Variants in PREX1 observed in about 807,000 individuals in gnomAD.
The protein encoded by PREX1 is phosphatidylinositol-3,4,5-trisphosphate dependent Rac exchange factor 1.
A neutral mutation model predicts 198.3 loss-of-function variants in PREX1; 41 were observed. That is an observed-to-expected ratio of 0.21 (90% CI 0.16 to 0.27). The LOEUF (loss-of-function observed/expected upper bound fraction) is 0.27, where lower values mean the gene tolerates loss of function less well. Ranked by LOEUF, PREX1 falls within the 10% of genes least tolerant of loss-of-function variation. The pLI, the probability that PREX1 is intolerant of heterozygous loss-of-function variation, is 1.00. For missense variants in PREX1, 1,620 were observed against 2,200.7 expected (o/e 0.74, Z 5.28); for synonymous variants, 843 against 887.2 (o/e 0.95, Z 0.89).
chr20:48,681,290 C>T lies in PREX1; in HGVS notation c.1380G>A (p.Thr460=), dbSNP rs773543314. The T allele has an allele frequency of 6.2e-6, 10 of 1,614,090 alleles. No homozygotes were observed. The South Asian group carries it at 6.6e-5, about 11-fold the overall frequency. Residue 460 remains threonine (T), a synonymous_variant, in exon 11 of 40, where the codon ACG becomes ACA. Coordinates refer to ENST00000371941, the MANE Select transcript of PREX1 (RefSeq NM_020820.4). ...CTTGGCCCAAGTTGACTCCTTCTTC[C>T]GTCTTGCTGATTTCACCAATTTCTA... ...WLLEIGEISK[T]EEGVNLGQAL...
the PREX1 span, among the ~76,000 whole-genome samples, chr20:48,835,257 T>A: frequency 2.0e-5 from 3 of 152,216 alleles, no homozygotes; most frequent in African/African-American, 7.2e-5. Context: ...ATCTCCAGTA[T>A]ATGTTTTGGA....
chr20:48,653,818 G>A (rs1019656950), intron 19 of PREX1, among the ~76,000 whole-genome samples: 2 of 152,224 alleles, frequency 1.3e-5, no homozygotes, highest in Non-Finnish European at 2.9e-5. Flanking sequence ...CTACTGGGCC[G>A]CATTTGGCAG....
the PREX1 span, among the ~76,000 whole-genome samples, chr20:48,867,793 T>TCAAA: frequency 7.9e-5 from 12 of 151,806 alleles, no homozygotes; most frequent in East Asian, 1.3e-3. Context: ...AGACTCTGTC[T>TCAAA]CAAACAAACA....
chr20:48,722,089 C>T (rs1267616712), intron 5 of PREX1, among the ~76,000 whole-genome samples: 2 of 152,082 alleles, frequency 1.3e-5, no homozygotes, highest in Non-Finnish European at 2.9e-5. Flanking sequence ...GGGAGAGGTC[C>T]GGGCTGAAGT....
At chr20:48,689,996 G>C (rs951730275) in intron 9 of PREX1, among the ~76,000 whole-genome samples, 2 of 152,174 alleles carry the variant, frequency 1.3e-5, no homozygotes, top group African/African-American at 4.8e-5. Context: ...AGCAGGTGTT[G>C]CAGGGGAGAC....
upstream of PREX1, among the ~76,000 whole-genome samples, chr20:48,828,226 G>T (rs1168750662): frequency 1.3e-5 from 2 of 151,332 alleles, no homozygotes; most frequent in East Asian, 3.9e-4. Flanking sequence ...TCGGGGGTCG[G>T]GCGGGAGCCT....
Position 48,630,796 on chromosome 20 carries a change from T to C in PREX1, c.4527-2A>G. On this transcript the variant is annotated splice_acceptor_variant, in intron 35 of 39. Transcript: ENST00000371941. LOFTEE classifies it high-confidence loss of function. ...TTAGACCGCTCCAGGTAAAATGCCC[T>C]GCGAGAGAAAGATGGGAATGAGGCG... 1 of 1,572,928 alleles carries C rather than the reference T, an allele frequency of 6.4e-7. No individual in the cohort carries two copies. The highest frequency in any genetic ancestry group is 8.7e-7 in the Non-Finnish European group (1 of 1,142,894).
intron 5 of PREX1, among the ~76,000 whole-genome samples, chr20:48,725,349 T>C (rs966244072): frequency 6.6e-4 from 100 of 152,356 alleles, no homozygotes; most frequent in African/African-American, 2.3e-3. Flanking sequence ...GCTGAAACCC[T>C]GGGCTGAGAG....
chr20:48,881,544 T>G, the PREX1 span, among the ~76,000 whole-genome samples: 1 of 151,650 alleles, frequency 6.6e-6, no homozygotes, highest in African/African-American at 2.4e-5. Context: ...TGGAGTGCAA[T>G]GGTACGATCT....
chr20:48,786,246 G>A (rs1201796465), intron 1 of PREX1, among the ~76,000 whole-genome samples: 1 of 152,142 alleles, frequency 6.6e-6, no homozygotes, highest in Non-Finnish European at 1.5e-5. Context: ...CCCCTTGGAG[G>A]ACAAATAAGC....
At chr20:48,882,731 C>A in the PREX1 span, among the ~76,000 whole-genome samples, 1 of 152,012 alleles carries the variant, frequency 6.6e-6, no homozygotes, top group African/African-American at 2.4e-5. Flanking sequence ...TTCTCCACAG[C>A]CTCACTGACA....
intron 4 of PREX1, among the ~76,000 whole-genome samples, chr20:48,726,924 A>C (rs1025991215): frequency 2.0e-4 from 30 of 152,268 alleles, no homozygotes; most frequent in Non-Finnish European, 8.8e-5. Context: ...TGCAGCAGTT[A>C]AAATGAGATA....
chr20:48,654,528 C>A (rs967766072), intron 19 of PREX1, among the ~76,000 whole-genome samples: 7 of 152,208 alleles, frequency 4.6e-5, no homozygotes, highest in Non-Finnish European at 1.0e-4. Context: ...TTACGACAAA[C>A]AAAAATGTCT....
chr20:48,827,965 C>A lies in PREX1; in HGVS notation c.-105G>T, dbSNP rs1330887234. 3.5e-5 allele frequency: 12 copies of A among 339,714 alleles called. No individual in the cohort carries two copies. Among genetic ancestry groups the A allele is most frequent in the Middle Eastern group, 1.5e-3 (1 of 674 alleles). 21.0% of individuals were successfully genotyped at this position (339,714 alleles called of 1,614,324 possible). ...GGGCGCGCCGGCGGGCCGGGCTCAG[C>A]GGCGGGCCGGGCTCCCGGCGCGGCG... is the stretch of plus-strand genomic sequence containing the variant. On this transcript the variant is annotated 5_prime_UTR_variant, in exon 1 of 40. Coordinates refer to ENST00000371941, the MANE Select transcript of PREX1 (RefSeq NM_020820.4). This position sits in a 1 kb window ranked among gnomAD's most constrained non-coding sequence, Gnocchi z 4.1.
chr20:48,681,701 T>C (rs966412950), intron 10 of PREX1, among the ~76,000 whole-genome samples: 2 of 151,974 alleles, frequency 1.3e-5, no homozygotes, highest in Admixed American at 6.6e-5. Flanking sequence ...GATGGATGGA[T>C]GGACGGACGG....
chr20:48,846,635 G>A, the PREX1 span, among the ~76,000 whole-genome samples: 1 of 152,268 alleles, frequency 6.6e-6, no homozygotes, highest in East Asian at 1.9e-4. Context: ...CTTTGTAGAC[G>A]CTCCCTGGAC....
intron 7 of PREX1, among the ~76,000 whole-genome samples, chr20:48,698,472 A>G (rs2089858408): frequency 6.6e-6 from 1 of 152,146 alleles, no homozygotes; most frequent in Admixed American, 6.5e-5. Flanking sequence ...CAGCCCTGAA[A>G]CTACCCAAGA....
At chr20:48,759,410 C>T (rs955846806) in intron 1 of PREX1, among the ~76,000 whole-genome samples, 8 of 151,824 alleles carry the variant, frequency 5.3e-5, no homozygotes, top group African/African-American at 1.7e-4. Context: ...ATTAGCCAGC[C>T]ATGGTGGCTC....
chr20:48,837,799 C>G, the PREX1 span, among the ~76,000 whole-genome samples: 1 of 151,026 alleles, frequency 6.6e-6, no homozygotes, highest in African/African-American at 2.4e-5. Flanking sequence ...CAAACCTGCA[C>G]AGGTACCCCT....
Sources: allele counts gnomAD v4.1 joint callset (sites outside exome capture counted in the v4.1 genomes callset), GRCh38; gene constraint gnomAD v4.1.1; non-coding constraint Gnocchi (gnomAD v3.1); transcripts MANE v1.5; gene names NCBI Gene and HGNC (gene_info 2026-07-23, HGNC 2026-07-21).